The following NOL4 variants were observed in gnomAD, a reference collection of about 807,000 sequenced individuals.
NOL4 encodes nucleolar protein 4, also known as cancer/testis antigen 125.
A neutral mutation model predicts 75.9 loss-of-function variants in NOL4; 17 were observed. The observed-to-expected ratio is 0.22, with a 90% CI of 0.15 to 0.34. The LOEUF (loss-of-function observed/expected upper bound fraction) is 0.34. Ranked by LOEUF, NOL4 falls within the 10% of genes least tolerant of loss-of-function variation. The pLI is 1.00. For missense variants in NOL4, 614 were observed against 793.5 expected, an observed-to-expected ratio of 0.77 and a Z score of 2.72; for synonymous variants, 292 against 289.9, an observed-to-expected ratio of 1.01 and a Z score of -0.07.
chr18:34,106,416 A>G (rs2079282252), intron 2 of NOL4, among the ~76,000 whole-genome samples: 1 of 152,080 alleles, frequency 6.6e-6, no homozygotes, highest in African/African-American at 2.4e-5. Flanking sequence ...AAGCCATAAG[A>G]ATACTGAAGA....
intron 9 of NOL4, among the ~76,000 whole-genome samples, chr18:33,924,033 A>G (rs912513445): frequency 2.0e-5 from 3 of 152,192 alleles, no homozygotes; most frequent in Admixed American, 1.3e-4. Context: ...TAAAGGAGAA[A>G]GATGGCCACT....
At chr18:34,086,430 C>G (rs1197012564) in intron 5 of NOL4, among the ~76,000 whole-genome samples, 2 of 152,114 alleles carry the variant, frequency 1.3e-5, no homozygotes, top group Non-Finnish European at 2.9e-5. Context: ...ATCTGGTGTT[C>G]AGCCTGAAAA....
At chr18:34,110,674 T>C (rs1361584668) in intron 2 of NOL4, among the ~76,000 whole-genome samples, 1 of 152,018 alleles carries the variant, frequency 6.6e-6, no homozygotes, top group African/African-American at 2.4e-5. Flanking sequence ...GTACTAGAAG[T>C]CCTAGTCAGA....
rs543180693 is a variant in NOL4 at position 34,055,166 on chromosome 18, A to G, written c.773-35565T>C. Among the ~76,000 whole-genome samples, 14 of 151,888 alleles carry G rather than the reference A, an allele frequency of 9.2e-5. No individual in the cohort carries two copies. In the South Asian group the frequency reaches 1.5e-3, roughly 16 times the overall value. ...TCATTTAAATTTTATATAAGAATTA[A>G]AAGTAAATTTGTGCACCAAAATTAT... is the stretch of plus-strand genomic sequence containing the variant. On this transcript the variant is annotated intron_variant, in intron 5 of 10. Transcript: ENST00000261592.
intron 6 of NOL4, among the ~76,000 whole-genome samples, chr18:33,992,509 G>C (rs1454141098): frequency 6.6e-6 from 1 of 151,960 alleles, no homozygotes; most frequent in Non-Finnish European, 1.5e-5. Flanking sequence ...TAACAGCTAA[G>C]ATTTAGTAAT....
chr18:34,131,843 G>A (rs2080666565), intron 1 of NOL4, among the ~76,000 whole-genome samples: 1 of 152,182 alleles, frequency 6.6e-6, no homozygotes, highest in Admixed American at 6.5e-5. Context: ...GTGTAAGACA[G>A]ATAATTGAGG....
intron 1 of NOL4, among the ~76,000 whole-genome samples, chr18:34,207,023 C>T (rs1222649154): frequency 4.6e-5 from 7 of 151,984 alleles, no homozygotes; most frequent in Admixed American, 3.9e-4. Context: ...GAATTTTTAT[C>T]ATGTATTTTT....
chr18:33,912,293 G>A (rs2066456493), intron 9 of NOL4, among the ~76,000 whole-genome samples: 1 of 151,830 alleles, frequency 6.6e-6, no homozygotes. Flanking sequence ...GTAGCATTTT[G>A]GAAGGAAGTA....
chr18:34,031,055 G>A (rs146827595), intron 5 of NOL4, among the ~76,000 whole-genome samples: 1,536 of 152,170 alleles, frequency 0.01, 23 homozygotes, highest in Middle Eastern at 0.037. Flanking sequence ...CTGAATGGAT[G>A]AGAAAATAAA....
At chr18:33,996,986 C>T (rs2073336129) in intron 6 of NOL4, among the ~76,000 whole-genome samples, 1 of 151,798 alleles carries the variant, frequency 6.6e-6, no homozygotes, top group Non-Finnish European at 1.5e-5. Context: ...GTTCCTTACG[C>T]ATTCTGGATG....
chr18:34,146,476 A>T (rs533843681), intron 1 of NOL4, among the ~76,000 whole-genome samples: 1 of 152,288 alleles, frequency 6.6e-6, no homozygotes, highest in East Asian at 1.9e-4. Flanking sequence ...CATTTATTAA[A>T]TAGGGAATCC....
chr18:34,217,510 C>T (rs1415064611), intron 1 of NOL4, among the ~76,000 whole-genome samples: 2 of 152,112 alleles, frequency 1.3e-5, no homozygotes, highest in Admixed American at 6.6e-5. Flanking sequence ...TGGTCTCAAA[C>T]TCCTGAGCTC....
chr18:33,896,808 G>T (rs1039249532), intron 9 of NOL4, among the ~76,000 whole-genome samples: 8 of 152,110 alleles, frequency 5.3e-5, no homozygotes, highest in African/African-American at 1.9e-4. Flanking sequence ...CACTGCAAAA[G>T]AAACTATCAA....
chr18:34,036,671 C>T (rs1275964905), intron 5 of NOL4, among the ~76,000 whole-genome samples: 3 of 152,182 alleles, frequency 2.0e-5, no homozygotes, highest in Admixed American at 6.5e-5. Context: ...TGCCTGTAAT[C>T]CCAGCACTTT....
intron 10 of NOL4, among the ~76,000 whole-genome samples, chr18:33,870,819 T>C (rs2063665384): frequency 6.6e-6 from 1 of 152,086 alleles, no homozygotes; most frequent in Non-Finnish European, 1.5e-5. Flanking sequence ...ACAAGCTACT[T>C]TTAGATCCAT....
chr18:34,024,194 A>AAAATAT, intron 5 of NOL4, among the ~76,000 whole-genome samples: 6 of 70,648 alleles, frequency 8.5e-5, no homozygotes, highest in African/African-American at 2.6e-4. Flanking sequence ...AAAAAAAAAA[A>AAAATAT]ATATATATAT....
chr18:34,026,933 C>T (rs2075373012), intron 5 of NOL4, among the ~76,000 whole-genome samples: 1 of 152,082 alleles, frequency 6.6e-6, no homozygotes, highest in Non-Finnish European at 1.5e-5. Flanking sequence ...TATATCTCAG[C>T]AGGAAACACA....
At chr18:33,886,961 A>C (rs2064746953) in intron 9 of NOL4, among the ~76,000 whole-genome samples, 1 of 139,734 alleles carries the variant, frequency 7.2e-6, no homozygotes, top group Admixed American at 7.4e-5. Context: ...TATTATATCT[A>C]GATATATCTA....
At chr18:34,142,219 C>T (rs192239461) in intron 1 of NOL4, among the ~76,000 whole-genome samples, 10 of 152,078 alleles carry the variant, frequency 6.6e-5, no homozygotes, top group Non-Finnish European at 1.3e-4. Context: ...AGGAACACTT[C>T]TAAGCTGTTG....
Sources: allele counts gnomAD v4.1 joint callset (sites outside exome capture counted in the v4.1 genomes callset), GRCh38; gene constraint gnomAD v4.1.1; transcripts MANE v1.5; gene names NCBI Gene and HGNC (gene_info 2026-07-23, HGNC 2026-07-21).